Variants in RCAN2 observed in about 807,000 individuals in gnomAD.
RCAN2 encodes calcipressin-2.
RCAN2 carries 9 observed loss-of-function variants against 23.6 expected under a neutral mutation model. That is an observed-to-expected ratio of 0.38 (90% CI 0.23 to 0.67). The LOEUF (loss-of-function observed/expected upper bound fraction) is 0.67. Among genes scored for constraint, RCAN2 ranks in the 30% least tolerant of loss-of-function variants. The pLI is 0.51. For missense variants in RCAN2, 273 were observed against 302.3 expected (o/e 0.90, Z 0.72); for synonymous variants, 109 against 115.7 (o/e 0.94, Z 0.37).
intron 2 of RCAN2, among the ~76,000 whole-genome samples, chr6:46,295,628 A>T (rs915162383): frequency 1.3e-5 from 2 of 152,146 alleles, no homozygotes; most frequent in Non-Finnish European, 2.9e-5. Context: ...GCAGGACTGC[A>T]GGGAAGCAAG....
chr6:46,462,906 C>G (rs1007584413), intron 1 of RCAN2, among the ~76,000 whole-genome samples: 1 of 152,200 alleles, frequency 6.6e-6, no homozygotes, highest in African/African-American at 2.4e-5. Context: ...GGGAGCCATG[C>G]ATTTGCCCAT....
At position 46,246,829 on chromosome 6, in the gene RCAN2, G is replaced by T. The variant is rs778006458; in HGVS notation, c.490C>A (p.Pro164Thr). 1.2e-6 allele frequency: 2 copies of T among 1,613,614 alleles called. No individual in the cohort carries two copies. Among genetic ancestry groups the T allele is most frequent in the South Asian group, 1.1e-5 (1 of 91,066 alleles). Residue 164 changes from proline (P) to threonine (T), a missense_variant, in exon 4 of 5, where the codon CCT becomes ACT. Physicochemically the swap from Pro to Thr is conservative, Grantham distance 38 (BLOSUM62 -1). Coordinates refer to ENST00000371374, the MANE Select transcript of RCAN2 (RefSeq NM_001251974.2). Reference sequence around the variant, plus strand: ...TCGTTGATGGGCTGCCAGCCAACAGGTGGGGAGGAAGGGGGCGAGATGAGA... The same window carrying T: ...TCGTTGATGGGCTGCCAGCCAACAGTTGGGGAGGAAGGGGGCGAGATGAGA... The part of the protein sequence containing the change: ...QFLISPPSSP[P>T]VGWQPINDAT...
At chr6:46,386,033 A>C (rs1376683222) in intron 2 of RCAN2, among the ~76,000 whole-genome samples, 1 of 152,122 alleles carries the variant, frequency 6.6e-6, no homozygotes, top group African/African-American at 2.4e-5. Context: ...GATCTAATTA[A>C]ACTAAAGAGC....
At chr6:46,249,237 A>C (rs917433308) in intron 2 of RCAN2, among the ~76,000 whole-genome samples, 8 of 151,816 alleles carry the variant, frequency 5.3e-5, no homozygotes, top group African/African-American at 1.9e-4. Flanking sequence ...TCTCCAAAAT[A>C]CTGGAGCTAC....
intron 2 of RCAN2, among the ~76,000 whole-genome samples, chr6:46,375,408 C>T (rs966819677): frequency 1.3e-5 from 2 of 152,194 alleles, no homozygotes; most frequent in African/African-American, 4.8e-5. Flanking sequence ...TCCTCCCAGA[C>T]ACAGATATGA....
chr6:46,299,426 C>CA (rs1440140917), intron 2 of RCAN2, among the ~76,000 whole-genome samples: 1 of 151,978 alleles, frequency 6.6e-6, no homozygotes, highest in Non-Finnish European at 1.5e-5. Context: ...TTTATGGCAG[C>CA]AGCAGCAGTA....
intron 2 of RCAN2, among the ~76,000 whole-genome samples, chr6:46,336,807 C>T (rs898607170): frequency 7.9e-5 from 12 of 151,872 alleles, no homozygotes; most frequent in Non-Finnish European, 1.6e-4. Flanking sequence ...GGTTGGATTA[C>T]GGAGATGCAG....
chr6:46,353,431 C>G (rs1335657361), intron 2 of RCAN2, among the ~76,000 whole-genome samples: 1 of 152,124 alleles, frequency 6.6e-6, no homozygotes, highest in Admixed American at 6.6e-5. Flanking sequence ...CAACTGGAAT[C>G]TGACAGATCC....
intron 2 of RCAN2, among the ~76,000 whole-genome samples, chr6:46,382,351 C>T (rs1048064916): frequency 6.6e-6 from 1 of 152,150 alleles, no homozygotes; most frequent in Non-Finnish European, 1.5e-5. Flanking sequence ...ATGTGCTGCT[C>T]ATCTTCCAGC....
intron 2 of RCAN2, among the ~76,000 whole-genome samples, chr6:46,361,081 A>G (rs1764997596): frequency 6.6e-6 from 1 of 152,188 alleles, no homozygotes; most frequent in East Asian, 1.9e-4. Flanking sequence ...CTTGTTTCAA[A>G]CAAATTTCTG....
At chr6:46,421,437 G>A (rs542301991) in intron 2 of RCAN2, among the ~76,000 whole-genome samples, 44 of 152,310 alleles carry the variant, frequency 2.9e-4, no homozygotes, top group African/African-American at 1.1e-3. Context: ...AATGTAATAG[G>A]AAACTCAAGT....
At chr6:46,412,079 T>G (rs1354159541) in intron 2 of RCAN2, among the ~76,000 whole-genome samples, 2 of 152,170 alleles carry the variant, frequency 1.3e-5, no homozygotes, top group Non-Finnish European at 2.9e-5. Flanking sequence ...GAGACAATGG[T>G]GACTTGATCT....
chr6:46,276,531 A>C (rs927819053), intron 2 of RCAN2, among the ~76,000 whole-genome samples: 3 of 152,234 alleles, frequency 2.0e-5, no homozygotes, highest in Non-Finnish European at 4.4e-5. Flanking sequence ...CAAAACATAA[A>C]GAACGTGTTT....
intron 2 of RCAN2, chr6:46,325,931 G>A: frequency 5.2e-6 from 5 of 967,536 alleles, no homozygotes; most frequent in Non-Finnish European, 6.1e-6. Flanking sequence ...TTTCTTCTTT[G>A]AGGTGGGGGA....
chr6:46,336,527 T>C (rs1028728304), intron 2 of RCAN2, among the ~76,000 whole-genome samples: 1 of 152,140 alleles, frequency 6.6e-6, no homozygotes, highest in African/African-American at 2.4e-5. Context: ...TAGGCAAGGA[T>C]AGGGATGTGT....
At position 46,366,151 on chromosome 6, in the gene RCAN2, G is replaced by A. The variant is rs554811297; in HGVS notation, c.225+90601C>T. ...AGCAATCACCCAGAACCAATACAGC[G>A]TGGTTACTTCTCAATTTGTACCTTT... is the stretch of plus-strand genomic sequence containing the variant. On this transcript the variant is annotated intron_variant, in intron 2 of 4. Coordinates refer to ENST00000371374, the MANE Select transcript of RCAN2 (RefSeq NM_001251974.2). Among the ~76,000 whole-genome samples, 6 of 152,272 alleles carry A rather than the reference G, an allele frequency of 3.9e-5. No individual in the cohort carries two copies. In the South Asian group the frequency reaches 1.0e-3, roughly 26 times the overall value.
chr6:46,457,904 A>AT (rs1198321097), intron 1 of RCAN2, among the ~76,000 whole-genome samples: 5 of 151,902 alleles, frequency 3.3e-5, no homozygotes, highest in Non-Finnish European at 7.4e-5. Flanking sequence ...GAGTTTTTCC[A>AT]TTTTTTTGAT....
rs185655195 is a variant in RCAN2, at chr6:46,249,400, C to A, written c.226-504G>T. 7.8e-3 allele frequency among the ~76,000 whole-genome samples: 1,169 copies of A among 149,112 alleles called. 21 individuals are homozygous for A. The highest frequency in any genetic ancestry group is 0.026 in the African/African-American group (1,069 of 41,132). ...GTGGCATGATCTTGGCTCACTGCAACCCCCGCCTCCTGGATTCAAGTGATT... is the reference window on the plus strand; with the variant it reads ...GTGGCATGATCTTGGCTCACTGCAAACCCCGCCTCCTGGATTCAAGTGATT... On this transcript the variant is annotated intron_variant, in intron 2 of 4. Coordinates refer to ENST00000371374, the MANE Select transcript of RCAN2 (RefSeq NM_001251974.2).
chr6:46,489,300 C>T (rs1216664664), intron 1 of RCAN2, among the ~76,000 whole-genome samples: 1 of 152,238 alleles, frequency 6.6e-6, no homozygotes, highest in Non-Finnish European at 1.5e-5. Context: ...TCATTAAACA[C>T]TCATGATGTT....
Sources: allele counts gnomAD v4.1 joint callset (sites outside exome capture counted in the v4.1 genomes callset), GRCh38; gene constraint gnomAD v4.1.1; transcripts MANE v1.5; gene names NCBI Gene and HGNC (gene_info 2026-07-23, HGNC 2026-07-21).